DENND5B: variants seen among roughly 807,000 people sequenced by gnomAD.
The protein encoded by DENND5B is DENN domain containing 5B, also known as DENN domain-containing protein 5B.
In DENND5B, 34 loss-of-function variants were observed where a neutral mutation model predicts 140.6. That is an observed-to-expected ratio of 0.24 (90% CI 0.18 to 0.32). DENND5B has a LOEUF of 0.32. DENND5B is among the 10% of genes least tolerant of loss of function. The pLI, the probability that DENND5B is intolerant of heterozygous loss-of-function variation, is 1.00. For synonymous variants in DENND5B, 551 were observed against 562.1 expected (o/e 0.98, Z 0.28); for missense variants, 1,142 against 1,560.2 (o/e 0.73, Z 4.52).
intron 17 of DENND5B, among the ~76,000 whole-genome samples, chr12:31,396,056 G>GTTTTTTTTT (rs34089984): frequency 2.0e-4 from 22 of 112,224 alleles, no homozygotes; most frequent in East Asian, 8.3e-4. Flanking sequence ...GGCATTCCTT[G>GTTTTTTTTT]TTTTTTTTTT....
At chr12:31,412,065 C>T (rs1593096983) in intron 13 of DENND5B, among the ~76,000 whole-genome samples, 1 of 152,250 alleles carries the variant, frequency 6.6e-6, no homozygotes, top group East Asian at 1.9e-4. Flanking sequence ...TCTCCTGATT[C>T]AGCCTCCAAG....
At chr12:31,403,279 A>G (rs1333513222) in intron 14 of DENND5B, among the ~76,000 whole-genome samples, 1 of 152,206 alleles carries the variant, frequency 6.6e-6, no homozygotes, top group Non-Finnish European at 1.5e-5. Context: ...GAGCCCAGGG[A>G]GGCTCTTCCA....
At chr12:31,579,828 T>A (rs1487384637) in intron 1 of DENND5B, among the ~76,000 whole-genome samples, 1 of 148,940 alleles carries the variant, frequency 6.7e-6, no homozygotes, top group East Asian at 2.0e-4. Context: ...AGAAGAGTAA[T>A]GGGGAAAGAC....
intron 7 of DENND5B, among the ~76,000 whole-genome samples, chr12:31,436,023 C>G (rs909568614): frequency 9.9e-5 from 15 of 151,984 alleles, no homozygotes; most frequent in African/African-American, 3.4e-4. Context: ...GTCTTGAACT[C>G]CTGAGCTTAA....
At chr12:31,571,131 C>A (rs1444403372) in intron 1 of DENND5B, among the ~76,000 whole-genome samples, 2 of 151,038 alleles carry the variant, frequency 1.3e-5, no homozygotes, top group Non-Finnish European at 2.9e-5. Flanking sequence ...AGATCTGCTG[C>A]TGCTGCTTCA....
chr12:31,435,116 GAA>G (rs541627228), intron 7 of DENND5B, among the ~76,000 whole-genome samples: 13 of 152,142 alleles, frequency 8.5e-5, no homozygotes, highest in African/African-American at 3.1e-4. Context: ...AACCCCGGAT[GAA>G]GACTATCCCC....
chr12:31,575,283 A>G (rs904294689), intron 1 of DENND5B, among the ~76,000 whole-genome samples: 2 of 152,198 alleles, frequency 1.3e-5, no homozygotes, highest in Non-Finnish European at 2.9e-5. Flanking sequence ...AACCAGCCAT[A>G]AATTCCTACT....
At chr12:31,475,910 G>T (rs989690298) in intron 3 of DENND5B, among the ~76,000 whole-genome samples, 3 of 152,084 alleles carry the variant, frequency 2.0e-5, no homozygotes, top group Non-Finnish European at 4.4e-5. Flanking sequence ...GATCACCTAG[G>T]GTCAGGAGTT....
chr12:31,444,229 A>G (rs1314606302), intron 6 of DENND5B: 9 of 152,166 alleles, frequency 5.9e-5, no homozygotes, highest in Non-Finnish European at 2.9e-5. Flanking sequence ...GTGCCTTTAT[A>G]AATATTTCAT....
At chr12:31,532,978 G>A (rs1948340665) in intron 1 of DENND5B, among the ~76,000 whole-genome samples, 2 of 152,132 alleles carry the variant, frequency 1.3e-5, no homozygotes. Context: ...TGTAGGCATC[G>A]GTTTTCTGAG....
intron 2 of DENND5B, among the ~76,000 whole-genome samples, chr12:31,495,485 T>C (rs192959489): frequency 1.6e-4 from 24 of 151,366 alleles, no homozygotes; most frequent in African/African-American, 5.8e-4. Context: ...TTCAAGTGAT[T>C]CTCCTGCCTC....
chr12:31,521,612 G>A (rs1378487699), intron 1 of DENND5B, among the ~76,000 whole-genome samples: 1 of 152,076 alleles, frequency 6.6e-6, no homozygotes, highest in Non-Finnish European at 1.5e-5. Flanking sequence ...ATGTGTGTGG[G>A]TTTTTTTAGT....
At position 31,590,717 on chromosome 12, in the gene DENND5B, T is replaced by G; in HGVS notation, c.116A>C (p.Asp39Ala). ...GIDADSGLEP[D>A]ELAGENFDQS... The stretch of plus-strand genomic sequence containing the variant: ...AGCCCTGGCCTTACCCGCCAGCTCG[T>G]CAGGCTCCAGCCCGCTGTCCGCGTC... The change falls in exon 1 of 21, where the codon GAC (aspartate) becomes GCC (alanine). Residue 39 changes from aspartate (D) to alanine (A), a missense_variant. This residue lies in a region of DENND5B where 708 missense variants were observed against 905.5 expected (regional missense o/e 0.78). Transcript: ENST00000389082. 1 of 1,475,556 alleles carries G rather than the reference T, an allele frequency of 6.8e-7. No homozygotes were observed. Among genetic ancestry groups the G allele is most frequent in the Non-Finnish European group, 8.9e-7 (1 of 1,119,500 alleles). The allele number at this position is 1,475,556 out of a possible 1,614,324, so 91.4% of individuals were successfully genotyped here.
At chr12:31,466,126 G>A (rs1297797182) in intron 3 of DENND5B, among the ~76,000 whole-genome samples, 9 of 152,118 alleles carry the variant, frequency 5.9e-5, no homozygotes, top group African/African-American at 2.2e-4. Flanking sequence ...AGGCCAAGGC[G>A]GGCGGATCAC....
chr12:31,417,078 C>T (rs922798971), intron 11 of DENND5B, among the ~76,000 whole-genome samples: 1 of 139,826 alleles, frequency 7.2e-6, no homozygotes, highest in Non-Finnish European at 1.5e-5. Context: ...AAAAAAAGGC[C>T]AGGCGCTGTG....
At chr12:31,424,825 C>G in intron 9 of DENND5B, 138 bp from the exon 10 acceptor site, 1 of 1,144,926 alleles carries the variant, frequency 8.7e-7, no homozygotes, top group Non-Finnish European at 1.2e-6. Flanking sequence ...GGAAAAAAAT[C>G]TCTTAATCTT....
chr12:31,452,247 T>C lies in DENND5B; in HGVS notation c.1322A>G (p.Asn441Ser). Residue 441 changes from asparagine to serine, a missense_variant, in exon 5 of 21, where the codon AAC becomes AGC. This residue lies in a region of DENND5B where 708 missense variants were observed against 905.5 expected (regional missense o/e 0.78). Transcript: ENST00000389082. The part of the protein sequence containing the change: ...DKKNGNVCTN[N>S]ISMYELLKGN... The stretch of plus-strand genomic sequence containing the variant: ...CTTCAGTAACTCATACATGCTGATG[T>C]TATTAGTACAGACATTGCCGTTCTT... The C allele has an allele frequency of 6.2e-7, 1 of 1,613,982 alleles. No individual in the cohort carries two copies. The highest frequency in any genetic ancestry group is 8.5e-7 in the Non-Finnish European group (1 of 1,179,892).
At chr12:31,562,786 T>C (rs1949518943) in intron 1 of DENND5B, among the ~76,000 whole-genome samples, 1 of 152,240 alleles carries the variant, frequency 6.6e-6, no homozygotes, top group South Asian at 2.1e-4. Context: ...AAAGCTGCTC[T>C]GTAATAACTT....
intron 1 of DENND5B, among the ~76,000 whole-genome samples, chr12:31,496,149 T>C (rs932425296): frequency 6.6e-5 from 10 of 152,330 alleles, no homozygotes; most frequent in Middle Eastern, 3.4e-3. Context: ...ACTCAACTGA[T>C]ACTAAAAATC....
Sources: allele counts gnomAD v4.1 joint callset (sites outside exome capture counted in the v4.1 genomes callset), GRCh38; gene constraint gnomAD v4.1.1; regional missense constraint gnomAD v4.1.1; transcripts MANE v1.5; gene names NCBI Gene and HGNC (gene_info 2026-07-23, HGNC 2026-07-21).